OXR1: variants seen among roughly 807,000 people sequenced by gnomAD.
OXR1 encodes the protein oxidation resistance 1.
Under a neutral mutation model 104.6 loss-of-function variants are expected in OXR1, and 41 were observed. That is an observed-to-expected ratio of 0.39 (90% CI 0.31 to 0.51). OXR1 has a LOEUF of 0.51. Ranked by LOEUF, OXR1 falls within the 20% of genes least tolerant of loss-of-function variation. The pLI, the probability that OXR1 is intolerant of heterozygous loss-of-function variation, is 0.77. For synonymous variants in OXR1, 348 were observed against 348.4 expected, an observed-to-expected ratio of 1.00 and a Z score of 0.01; for missense variants, 955 against 1,031.9, an observed-to-expected ratio of 0.93 and a Z score of 1.02.
intron 1 of OXR1, among the ~76,000 whole-genome samples, chr8:106,349,932 A>G (rs1335368049): frequency 2.6e-5 from 4 of 152,200 alleles, no homozygotes; most frequent in Non-Finnish European, 5.9e-5. Flanking sequence ...ACACCAGTTG[A>G]CTGGTGATGA....
At chr8:106,322,658 C>T (rs906874655) in intron 1 of OXR1, among the ~76,000 whole-genome samples, 3 of 152,174 alleles carry the variant, frequency 2.0e-5, no homozygotes, top group African/African-American at 7.2e-5. Flanking sequence ...CCTAAAAGCT[C>T]TTCCAGCTGA....
intron 2 of OXR1, among the ~76,000 whole-genome samples, chr8:106,452,983 T>C (rs1198776484): frequency 6.6e-6 from 1 of 152,150 alleles, no homozygotes; most frequent in Non-Finnish European, 1.5e-5. Context: ...TAGCCATATA[T>C]TGAAAATTGC....
chr8:106,408,314 T>TC (rs1258559675), intron 2 of OXR1, among the ~76,000 whole-genome samples: 1 of 152,148 alleles, frequency 6.6e-6, no homozygotes, highest in East Asian at 1.9e-4. Context: ...GTTTTTTTTT[T>TC]CCCACTGCTC....
chr8:106,404,200 T>A (rs1818120261), intron 2 of OXR1, among the ~76,000 whole-genome samples: 1 of 152,078 alleles, frequency 6.6e-6, no homozygotes, highest in South Asian at 2.1e-4. Context: ...GGAAGCCACT[T>A]CTGCTGGGAG....
intron 2 of OXR1, among the ~76,000 whole-genome samples, chr8:106,485,595 T>C (rs753692207): frequency 2.0e-4 from 31 of 152,098 alleles, no homozygotes; most frequent in Non-Finnish European, 4.3e-4. Flanking sequence ...TTACTTACCA[T>C]ATGGTCCAGC....
At chr8:106,341,390 C>CATATATATATATAT (rs138432601) in intron 1 of OXR1, among the ~76,000 whole-genome samples, 4,480 of 145,798 alleles carry the variant, frequency 0.031, 114 homozygotes, top group African/African-American at 0.058. Flanking sequence ...AGTCAATCTA[C>CATATATATATATAT]ATATATATAT....
intron 3 of OXR1, among the ~76,000 whole-genome samples, chr8:106,583,944 T>G (rs1818436321): frequency 6.6e-6 from 1 of 152,052 alleles, no homozygotes; most frequent in South Asian, 2.1e-4. Flanking sequence ...TTATTGAGGT[T>G]CAACTCCTAA....
intron 3 of OXR1, among the ~76,000 whole-genome samples, chr8:106,572,060 CA>C (rs1817510814): frequency 6.6e-6 from 1 of 152,162 alleles, no homozygotes; most frequent in Non-Finnish European, 1.5e-5. Context: ...CCCACTCTTT[CA>C]AATGGAATAA....
intron 1 of OXR1, among the ~76,000 whole-genome samples, chr8:106,324,451 A>C (rs1586523927): frequency 2.7e-5 from 4 of 150,200 alleles, no homozygotes; most frequent in African/African-American, 7.3e-5. Context: ...CTGTACAACA[A>C]CCCCCCCTAC....
At chr8:106,522,234 C>G (rs1179294825) in intron 3 of OXR1, among the ~76,000 whole-genome samples, 2 of 151,996 alleles carry the variant, frequency 1.3e-5, no homozygotes, top group Non-Finnish European at 2.9e-5. Flanking sequence ...GTTCCAGAAC[C>G]CTCACAGATA....
intron 2 of OXR1, among the ~76,000 whole-genome samples, chr8:106,409,372 G>A (rs769191513): frequency 2.0e-5 from 3 of 152,084 alleles, no homozygotes; most frequent in Non-Finnish European, 4.4e-5. Context: ...GGCTGAGACA[G>A]CAGTATCACC....
chr8:106,639,292 T>C (rs1452604483), intron 3 of OXR1, among the ~76,000 whole-genome samples: 2 of 152,210 alleles, frequency 1.3e-5, no homozygotes, highest in Admixed American at 6.5e-5. Flanking sequence ...TCTGGTCTTA[T>C]GGGGCCTACT....
intron 1 of OXR1, among the ~76,000 whole-genome samples, chr8:106,325,060 C>G (rs1376216921): frequency 6.6e-6 from 1 of 152,114 alleles, no homozygotes; most frequent in Non-Finnish European, 1.5e-5. Flanking sequence ...ATGTATTTAT[C>G]TTCTGTAAGT....
intron 2 of OXR1, among the ~76,000 whole-genome samples, chr8:106,495,054 A>G (rs1811327003): frequency 6.6e-6 from 1 of 152,128 alleles, no homozygotes; most frequent in Non-Finnish European, 1.5e-5. Context: ...GCCCCTGCAC[A>G]CCACTGCTCA....
chr8:106,361,108 A>G (rs1816226752), intron 2 of OXR1, among the ~76,000 whole-genome samples: 1 of 152,200 alleles, frequency 6.6e-6, no homozygotes, highest in Admixed American at 6.5e-5. Context: ...GCAAAGAGAG[A>G]GACTGCATGT....
intron 2 of OXR1, among the ~76,000 whole-genome samples, chr8:106,417,907 A>G (rs551734609): frequency 1.3e-5 from 2 of 152,270 alleles, no homozygotes; most frequent in Non-Finnish European, 2.9e-5. Flanking sequence ...GACTAGGAGC[A>G]GCATTGGTGA....
chr8:106,630,074 G>T (rs1056145695), intron 3 of OXR1, among the ~76,000 whole-genome samples: 5 of 152,128 alleles, frequency 3.3e-5, no homozygotes, highest in African/African-American at 1.2e-4. Context: ...TAGGGAGATT[G>T]TGGCTTAGCT....
chr8:106,446,349 G>C (rs947528246), intron 2 of OXR1, among the ~76,000 whole-genome samples: 1 of 152,184 alleles, frequency 6.6e-6, no homozygotes, highest in East Asian at 1.9e-4. Context: ...GCCGGGTGCC[G>C]TGGCTCACGC....
At chr8:106,722,121 A>T (rs911840568) in intron 11 of OXR1, among the ~76,000 whole-genome samples, 1 of 152,284 alleles carries the variant, frequency 6.6e-6, no homozygotes, top group African/African-American at 2.4e-5. Context: ...TTTATTAAAC[A>T]TATGTTTTCT....
Sources: gnomAD v4.1 joint callset for allele counts (sites outside exome capture counted in the v4.1 genomes callset) on GRCh38, gnomAD v4.1.1 for gene constraint, MANE v1.5 for transcripts, NCBI Gene and HGNC (gene_info 2026-07-23, HGNC 2026-07-21) for gene names.